Variants in NOP14 observed in about 807,000 individuals in gnomAD.
NOP14 encodes nucleolar protein 14.
In NOP14, 57 loss-of-function variants were observed where a neutral mutation model predicts 101.6. That is an observed-to-expected ratio of 0.56 (90% confidence interval 0.45 to 0.70). The LOEUF is 0.70. Ranked by LOEUF, NOP14 falls within the 30% of genes least tolerant of loss-of-function variation. NOP14 has a pLI of 0.00. For synonymous variants in NOP14, 428 were observed against 424.0 expected (o/e 1.01, Z -0.12); for missense variants, 1,134 against 1,075.5 (o/e 1.05, Z -0.76).
chr4:2,948,115 C>A (rs1021544588), intron 9 of NOP14, among the ~76,000 whole-genome samples, 163 bp downstream of exon 9: 2 of 152,264 alleles, frequency 1.3e-5, no homozygotes, highest in Non-Finnish European at 2.9e-5. Flanking sequence ...CTGCCGGTGC[C>A]ATACCAAGTA....
At chr4:2,951,048 A>G in intron 7 of NOP14, 66 bp downstream of exon 7, 1 of 1,444,092 alleles carries the variant, frequency 6.9e-7, no homozygotes, top group Non-Finnish European at 9.4e-7. Flanking sequence ...CCTAAAATGA[A>G]TACCAAAAAA....
In NOP14 at chr4:2,951,254, G is replaced by T; in HGVS notation, c.871-9C>A. ...CTTCGAAGTCTCTCAGCCTGAGCAGGAAGGAATGAGATGTCTTAGAGCACA... is the reference window on the plus strand; with the variant it reads ...CTTCGAAGTCTCTCAGCCTGAGCAGTAAGGAATGAGATGTCTTAGAGCACA... On this transcript the variant is annotated splice_polypyrimidine_tract_variant and intron_variant, in intron 6 of 17. Coordinates refer to ENST00000416614, the MANE Select transcript of NOP14 (RefSeq NM_001291978.2). 6.2e-7 allele frequency: 1 copy of T among 1,613,212 alleles called. No homozygotes were observed. The highest frequency in any genetic ancestry group is 8.5e-7 in the Non-Finnish European group (1 of 1,179,608).
chr4:2,961,297 A>ATATATACTAACTATATTAT (rs1715882028), intron 1 of NOP14: 1 of 148,566 alleles, frequency 6.7e-6, no homozygotes, highest in African/African-American at 2.5e-5. Flanking sequence ...AACTATATTA[A>ATATATACTAACTATATTAT]TATAGTTACT....
chr4:2,945,062 G>A lies in NOP14; in HGVS notation c.1737+66C>T, dbSNP rs569973606. ...ACACTCATGTTCCACAAGGCCCCGAGGGGCTGTGGCTCCGGCCACCCGTGG... is the reference window on the plus strand; with the variant it reads ...ACACTCATGTTCCACAAGGCCCCGAAGGGCTGTGGCTCCGGCCACCCGTGG... On this transcript the variant is annotated intron_variant, in intron 12 of 17. Coordinates refer to ENST00000416614, the MANE Select transcript of NOP14 (RefSeq NM_001291978.2). 1.5e-4 allele frequency: 168 copies of A among 1,136,686 alleles called. 1 individual carries two copies. In the Middle Eastern group the frequency reaches 2.6e-3, roughly 17 times the overall value. The allele number at this position is 1,136,686 out of a possible 1,614,324, so 70.4% of individuals were successfully genotyped here.
intron 9 of NOP14, among the ~76,000 whole-genome samples, chr4:2,948,057 C>G (rs893430464): frequency 6.6e-6 from 1 of 152,270 alleles, no homozygotes; most frequent in Admixed American, 6.5e-5. Flanking sequence ...CTGCCTCTGG[C>G]TGGGTCTGGC....
Position 2,952,333 on chromosome 4 carries a change from C to T in NOP14, c.812G>A (p.Arg271Lys). 6.2e-7 allele frequency: 1 copy of T among 1,613,776 alleles called. No individual in the cohort carries two copies. Among genetic ancestry groups the T allele is most frequent in the Non-Finnish European group, 8.5e-7 (1 of 1,179,760 alleles). Reference protein sequence around the residue: ...GFEMKAQPSNRMKTEAELAKE... With the variant: ...GFEMKAQPSNKMKTEAELAKE... ...TGCCAATTCTGCCTCCGTCTTCATC[C>T]TGTTAGAGGGCTGCGCCTTCATTTC... The change falls in exon 6 of 18, where the codon AGG becomes AAG. Residue 271 changes from arginine (R) to lysine (K), a missense_variant. Coordinates refer to ENST00000416614, the MANE Select transcript of NOP14 (RefSeq NM_001291978.2).
At chr4:2,945,383 G>A (rs534849777) in intron 11 of NOP14, among the ~76,000 whole-genome samples, 154 bp from the exon 12 acceptor site, 7 of 152,224 alleles carry the variant, frequency 4.6e-5, no homozygotes, top group East Asian at 1.9e-4. Context: ...CAGAACAGGC[G>A]TCCAACCACC....
In NOP14 at chr4:2,945,272, G is replaced by C. The variant is rs76698305; in HGVS notation, c.1636-43C>G. ...CCACAGGTTAAAGAAGGTAAATGAA[G>C]TCCATCCATATGCCCTCCCCGCAAA... On this transcript the variant is annotated intron_variant, in intron 11 of 17. Coordinates refer to ENST00000416614, the MANE Select transcript of NOP14 (RefSeq NM_001291978.2). The C allele has an allele frequency of 3.4e-4, 488 of 1,448,242 alleles. 2 individuals carry two copies. The African/African-American group carries it at 6.4e-3, about 19-fold the overall frequency. The allele number at this position is 1,448,242 out of a possible 1,614,324, so 89.7% of individuals were successfully genotyped here.
intron 14 of NOP14, 105 bp downstream of exon 14, chr4:2,942,087 G>C: frequency 2.5e-6 from 3 of 1,189,578 alleles, no homozygotes; most frequent in Non-Finnish European, 3.6e-6. Flanking sequence ...CAAACGGCCG[G>C]GCGGCAAGTT....
At chr4:2,961,136 TTAATATAC>T (rs1379788472) in intron 1 of NOP14, among the ~76,000 whole-genome samples, 2 of 56,426 alleles carry the variant, frequency 3.5e-5, no homozygotes, top group African/African-American at 2.2e-4. Context: ...TAATAATATA[TTAATATAC>T]TAATATAATA....
chr4:2,948,335 C>G lies in NOP14; in HGVS notation c.1356G>C (p.Glu452Asp). 2 of 1,612,236 alleles carry G rather than the reference C, an allele frequency of 1.2e-6. No homozygotes were observed. The highest frequency in any genetic ancestry group is 2.2e-5 in the South Asian group (2 of 90,864). The change falls in exon 9 of 18, where the codon GAG becomes GAC. Residue 452 changes from glutamate to aspartate, a missense_variant. Physicochemically the swap from Glu to Asp is conservative, Grantham distance 45 (BLOSUM62 2). Transcript: ENST00000416614. ...TCGGGTGGTTGCACTTCTGAATTCT[C>G]TCCACCACCAAAAGCTGCTCTTCCA... ...RSMEEQLLVV[E>D]RIQKCNHPSL... is the part of the protein sequence containing the mutation.
At chr4:2,939,946 T>C (rs1160982958) in intron 15 of NOP14, among the ~76,000 whole-genome samples, 1 of 152,188 alleles carries the variant, frequency 6.6e-6, no homozygotes, top group Non-Finnish European at 1.5e-5. Flanking sequence ...GAGGTCACCA[T>C]AGCCTGTGCT....
intron 7 of NOP14, 51 bp downstream of exon 7, chr4:2,951,063 T>C: frequency 1.3e-6 from 2 of 1,520,258 alleles, no homozygotes; most frequent in Non-Finnish European, 1.8e-6. Flanking sequence ...AAAAAAATGT[T>C]TTTAAATTAA....
At position 2,960,736 on chromosome 4, in the gene NOP14, T is replaced by C. The variant is rs898780346; in HGVS notation, c.195+2389A>G. On this transcript the variant is annotated intron_variant, in intron 1 of 17. Transcript: ENST00000416614. ...ATTAATATTATAATCACATTAATAT[T>C]AATATATTAATATTATAATCACATT... 1.1e-3 allele frequency among the ~76,000 whole-genome samples: 144 copies of C among 131,036 alleles called. 3 individuals are homozygous for C. In the East Asian group the frequency reaches 0.013, roughly 11 times the overall value. The allele number at this position is 131,036 out of a possible 152,430, so 86.0% of individuals were successfully genotyped here. A position where few individuals can be genotyped will look rare whatever the true frequency, so the allele number is the denominator to read the frequency against.
chr4:2,942,830 A>C (rs771748168), intron 13 of NOP14, among the ~76,000 whole-genome samples: 8 of 117,146 alleles, frequency 6.8e-5, no homozygotes, highest in Non-Finnish European at 1.4e-4. Flanking sequence ...AGACGTCAGC[A>C]AAGGCCTGTA....
intron 15 of NOP14, chr4:2,941,056 G>C (rs114823746): frequency 0.024 from 3,648 of 154,440 alleles, 124 homozygotes; most frequent in African/African-American, 0.07. Context: ...AGCAGGAAGT[G>C]GATGCAGGGT....
chr4:2,944,006 G>A (rs1465210337), intron 13 of NOP14, 67 bp downstream of exon 13: 2 of 1,310,088 alleles, frequency 1.5e-6, no homozygotes, highest in African/African-American at 1.5e-5. Flanking sequence ...TCTACAATGA[G>A]TATGAACTAC....
At chr4:2,945,030 A>T (rs1461199848) in intron 12 of NOP14, 98 bp downstream of exon 12, 4 of 819,938 alleles carry the variant, frequency 4.9e-6, no homozygotes, top group Non-Finnish European at 7.9e-6. Context: ...GCAGCCCTTA[A>T]ACAGCCACAC....
intron 1 of NOP14, among the ~76,000 whole-genome samples, chr4:2,960,759 A>ATTAATATATTAATATTATAATCACG (rs1715718208): frequency 1.1e-5 from 1 of 90,608 alleles, no homozygotes; most frequent in Non-Finnish European, 2.5e-5. Context: ...TTATAATCAC[A>ATTAATATATTAATATTATAATCACG]TTAATATTAA....
Sources: allele counts gnomAD v4.1 joint callset (sites outside exome capture counted in the v4.1 genomes callset), GRCh38; gene constraint gnomAD v4.1.1; transcripts MANE v1.5; gene names NCBI Gene and HGNC (gene_info 2026-07-23, HGNC 2026-07-21).